The following LRRFIP2 variants were observed in gnomAD, a reference collection of about 807,000 sequenced individuals.
The protein encoded by LRRFIP2 is LRR binding FLII interacting protein 2.
In LRRFIP2, 109 loss-of-function variants were observed where a neutral mutation model predicts 125.9. That is an observed-to-expected ratio of 0.87 (90% CI 0.74 to 1.01). The LOEUF (loss-of-function observed/expected upper bound fraction) is 1.01. Among genes scored for constraint, LRRFIP2 ranks in the 50% least tolerant of loss-of-function variants. LRRFIP2 has a pLI of 0.00. For synonymous variants in LRRFIP2, 291 were observed against 293.1 expected, an observed-to-expected ratio of 0.99 and a Z score of 0.07; for missense variants, 850 against 862.3, an observed-to-expected ratio of 0.99 and a Z score of 0.18.
intron 18 of LRRFIP2, among the ~76,000 whole-genome samples, chr3:37,088,876 G>A (rs910057544): frequency 2.0e-5 from 3 of 151,820 alleles, no homozygotes; most frequent in South Asian, 2.1e-4. Flanking sequence ...ATTTTCATTG[G>A]AGGTAAAAAT....
intron 26 of LRRFIP2, 30 bp from the exon 27 acceptor site, chr3:37,054,545 A>C (rs2086252017): frequency 1.4e-6 from 2 of 1,456,952 alleles, no homozygotes; most frequent in East Asian, 4.5e-5. Flanking sequence ...GGCCTCTAGT[A>C]CTGGGCACTA....
At chr3:37,139,213 T>C (rs2095631247) in intron 2 of LRRFIP2, among the ~76,000 whole-genome samples, 2 of 152,130 alleles carry the variant, frequency 1.3e-5, no homozygotes, top group Non-Finnish European at 2.9e-5. Flanking sequence ...TGGTCAAACA[T>C]AAGTAACTGA....
At chr3:37,176,317 C>G (rs372141819), upstream of LRRFIP2, 6 of 152,386 alleles carry the variant, frequency 3.9e-5, no homozygotes, top group East Asian at 9.7e-4. Context: ...CCTGAGCGGC[C>G]GACTGAGGAG....
At chr3:37,083,589 C>T in intron 19 of LRRFIP2, 47 bp downstream of exon 19, 1 of 1,374,682 alleles carries the variant, frequency 7.3e-7, no homozygotes, top group Non-Finnish European at 9.8e-7. Context: ...TTGTAAGTGG[C>T]AGGCTTTTAT....
intron 6 of LRRFIP2, among the ~76,000 whole-genome samples, chr3:37,121,081 CATA>C (rs2095017637): frequency 6.6e-6 from 1 of 152,160 alleles, no homozygotes; most frequent in Non-Finnish European, 1.5e-5. Context: ...AAATTTTCCA[CATA>C]ATAAAATTAC....
chr3:37,093,364 C>CA (rs1436745532), intron 17 of LRRFIP2: 1 of 152,534 alleles, frequency 6.6e-6, no homozygotes, highest in Non-Finnish European at 1.5e-5. Context: ...TTTGATCTGT[C>CA]AGTTACCCCT....
At chr3:37,157,124 C>T (rs986968736) in intron 1 of LRRFIP2, among the ~76,000 whole-genome samples, 4 of 151,686 alleles carry the variant, frequency 2.6e-5, no homozygotes, top group Non-Finnish European at 1.5e-5. Flanking sequence ...AGTGCAACCC[C>T]GTCTCAAAAC....
At chr3:37,079,390 A>G (rs1442721832) in intron 19 of LRRFIP2, among the ~76,000 whole-genome samples, 2 of 152,228 alleles carry the variant, frequency 1.3e-5, no homozygotes, top group Admixed American at 1.3e-4. Flanking sequence ...ATGGTTAAAC[A>G]CAGATTTATC....
Position 37,072,821 on chromosome 3 carries a change from T to C in LRRFIP2, c.1433A>G (p.Glu478Gly). The change falls in exon 21 of 28, where the codon GAG (glutamate) becomes GGG (glycine). Residue 478 changes from glutamate (E) to glycine (G), a missense_variant. Glu to Gly is a moderately conservative substitution (Grantham distance 98). Coordinates refer to ENST00000336686, the MANE Select transcript of LRRFIP2 (RefSeq NM_006309.4). ...TMTKEVFDLQETLLWKDKKIG... is the reference protein window; with the variant it reads ...TMTKEVFDLQGTLLWKDKKIG... ...TTTTTTATCTTTCCAAAGAAGTGTCTCCTGGAGGTCAAACACCTCTTTTGT... is the reference window on the plus strand; with the variant it reads ...TTTTTTATCTTTCCAAAGAAGTGTCCCCTGGAGGTCAAACACCTCTTTTGT... 1 of 1,613,332 alleles carries C rather than the reference T, an allele frequency of 6.2e-7. No individual in the cohort carries two copies. The highest frequency in any genetic ancestry group is 8.5e-7 in the Non-Finnish European group (1 of 1,179,590).
chr3:37,085,264 C>T (rs1430097781), intron 18 of LRRFIP2, among the ~76,000 whole-genome samples: 2 of 152,090 alleles, frequency 1.3e-5, no homozygotes, highest in African/African-American at 4.8e-5. Flanking sequence ...AATCCTGGTA[C>T]TTTGGGAGGC....
intron 17 of LRRFIP2, among the ~76,000 whole-genome samples, chr3:37,093,895 C>T (rs2093595931): frequency 6.6e-6 from 1 of 152,150 alleles, no homozygotes; most frequent in Non-Finnish European, 1.5e-5. Context: ...GGAAGCCTTC[C>T]CCCTTCAATT....
At chr3:37,092,689 G>A (rs2149196112) in intron 17 of LRRFIP2, among the ~76,000 whole-genome samples, 1 of 152,290 alleles carries the variant, frequency 6.6e-6, no homozygotes, top group East Asian at 1.9e-4. Context: ...AGTAAGAGCT[G>A]GTAAGAGCTC....
At position 37,065,792 on chromosome 3, in the gene LRRFIP2, T is replaced by C. The variant is rs757061543; in HGVS notation, c.1699+18A>G. On this transcript the variant is annotated intron_variant, in intron 23 of 27. Transcript: ENST00000336686. ...AGGGTAACATTAATCCAAGTCAACA[T>C]AGCAACCAGTATCTTACCTAATGGC... is the stretch of plus-strand genomic sequence containing the variant. 136 of 1,613,970 alleles carry C rather than the reference T, an allele frequency of 8.4e-5. No individual in the cohort carries two copies. Among genetic ancestry groups the C allele is most frequent in the Non-Finnish European group, 1.1e-4 (124 of 1,179,968 alleles).
chr3:37,157,350 G>A (rs2096229296), intron 1 of LRRFIP2, among the ~76,000 whole-genome samples: 1 of 152,168 alleles, frequency 6.6e-6, no homozygotes, highest in Non-Finnish European at 1.5e-5. Flanking sequence ...GGCTGAGGTG[G>A]AAGGATTGCT....
At chr3:37,123,723 T>C (rs2095164756) in intron 4 of LRRFIP2, among the ~76,000 whole-genome samples, 1 of 152,136 alleles carries the variant, frequency 6.6e-6, no homozygotes, top group African/African-American at 2.4e-5. Context: ...TTATTTGAGG[T>C]ACTAGGGTAA....
intron 2 of LRRFIP2, among the ~76,000 whole-genome samples, chr3:37,130,545 C>T (rs867806172): frequency 6.6e-6 from 1 of 152,288 alleles, no homozygotes; most frequent in Non-Finnish European, 1.5e-5. Flanking sequence ...TTCAGTTACC[C>T]ATGGTTAACC....
At chr3:37,071,238 G>C (rs1406183913) in intron 21 of LRRFIP2, among the ~76,000 whole-genome samples, 1 of 152,208 alleles carries the variant, frequency 6.6e-6, no homozygotes, top group Admixed American at 6.5e-5. Context: ...CTTTTTTAAA[G>C]AAAGGGTATC....
chr3:37,140,706 CTTAAT>C (rs1206105023), intron 2 of LRRFIP2, among the ~76,000 whole-genome samples: 2 of 151,676 alleles, frequency 1.3e-5, no homozygotes, highest in Non-Finnish European at 2.9e-5. Flanking sequence ...TTAATACAAC[CTTAAT>C]TTAATTTATA....
chr3:37,117,456 C>T (rs1379306510), intron 6 of LRRFIP2, among the ~76,000 whole-genome samples: 1 of 151,884 alleles, frequency 6.6e-6, no homozygotes, highest in Non-Finnish European at 1.5e-5. Context: ...AAAAAAGTCA[C>T]CCCAATAAGT....
Sources: gnomAD v4.1 joint callset for allele counts (sites outside exome capture counted in the v4.1 genomes callset) on GRCh38, gnomAD v4.1.1 for gene constraint, MANE v1.5 for transcripts, NCBI Gene and HGNC (gene_info 2026-07-23, HGNC 2026-07-21) for gene names.